Variants in ANKS1B observed in about 807,000 individuals in gnomAD.
ANKS1B encodes ankyrin repeat and sterile alpha motif domain-containing protein 1B.
Under a neutral mutation model 148.3 loss-of-function variants are expected in ANKS1B, and 36 were observed. That is an observed-to-expected ratio of 0.24 (90% CI 0.19 to 0.32). The LOEUF is 0.32. Ranked by LOEUF, ANKS1B falls within the 10% of genes least tolerant of loss-of-function variation. ANKS1B has a pLI of 1.00. For missense variants in ANKS1B, 1,157 were observed against 1,542.6 expected (o/e 0.75, Z 4.19); for synonymous variants, 542 against 560.8 (o/e 0.97, Z 0.47).
At chr12:99,014,484 T>A (rs2099941263) in intron 17 of ANKS1B, among the ~76,000 whole-genome samples, 1 of 152,142 alleles carries the variant, frequency 6.6e-6, no homozygotes, top group Admixed American at 6.5e-5. Context: ...ATGATGAAGA[T>A]GTCAAAAGCA....
At chr12:99,902,934 T>TGTTGTTGTC (rs1211167532) in intron 1 of ANKS1B, among the ~76,000 whole-genome samples, 4 of 151,432 alleles carry the variant, frequency 2.6e-5, no homozygotes, top group African/African-American at 9.7e-5. Context: ...TTGTTGTTGT[T>TGTTGTTGTC]GCTGTTGTTG....
At chr12:99,905,394 G>C (rs182838519) in intron 1 of ANKS1B, among the ~76,000 whole-genome samples, 1 of 152,292 alleles carries the variant, frequency 6.6e-6, no homozygotes, top group Non-Finnish European at 1.5e-5. Context: ...TAGAGAAAAG[G>C]AATTCTAGGT....
At chr12:99,616,482 C>T (rs1190052200) in intron 9 of ANKS1B, among the ~76,000 whole-genome samples, 11 of 151,926 alleles carry the variant, frequency 7.2e-5, no homozygotes, top group South Asian at 4.1e-4. Context: ...TCAGAAATAA[C>T]GCCACACATC....
At chr12:99,101,342 C>A (rs1049689948) in intron 15 of ANKS1B, among the ~76,000 whole-genome samples, 4 of 152,114 alleles carry the variant, frequency 2.6e-5, no homozygotes, top group African/African-American at 9.7e-5. Flanking sequence ...ATACAAGAGA[C>A]AATGAAGATC....
intron 10 of ANKS1B, among the ~76,000 whole-genome samples, chr12:99,488,679 C>T (rs2096526171): frequency 6.6e-6 from 1 of 152,150 alleles, no homozygotes; most frequent in Non-Finnish European, 1.5e-5. Flanking sequence ...AATGCAATCT[C>T]CCCACTGCTC....
intron 9 of ANKS1B, 47 bp from the exon 10 acceptor site, chr12:99,504,688 CTTGT>C: frequency 1.5e-6 from 2 of 1,374,370 alleles, no homozygotes; most frequent in Non-Finnish European, 1.9e-6. Context: ...AAGAAACAGC[CTTGT>C]TTAATTTATA....
At chr12:99,093,659 G>A (rs1051246543) in intron 15 of ANKS1B, 3 of 152,254 alleles carry the variant, frequency 2.0e-5, no homozygotes, top group African/African-American at 7.2e-5. Flanking sequence ...CCAGGCTAAG[G>A]AGCCTGTGAT....
At chr12:99,899,423 A>AT (rs1411062274) in intron 1 of ANKS1B, among the ~76,000 whole-genome samples, 1 of 152,186 alleles carries the variant, frequency 6.6e-6, no homozygotes, top group Non-Finnish European at 1.5e-5. Context: ...TGAAATAGAA[A>AT]TCTAATACGT....
chr12:99,567,096 T>C (rs1360123909), intron 9 of ANKS1B, among the ~76,000 whole-genome samples: 1 of 152,204 alleles, frequency 6.6e-6, no homozygotes, highest in African/African-American at 2.4e-5. Flanking sequence ...GGCTGGACTA[T>C]GGTTCTATGA....
intron 17 of ANKS1B, among the ~76,000 whole-genome samples, chr12:98,890,452 T>C (rs981998613): frequency 6.6e-6 from 1 of 152,200 alleles, no homozygotes; most frequent in African/African-American, 2.4e-5. Context: ...ATACTGCATA[T>C]GGTCTGCAAG....
chr12:99,195,689 A>G (rs966244914), intron 14 of ANKS1B, among the ~76,000 whole-genome samples: 1 of 152,124 alleles, frequency 6.6e-6, no homozygotes, highest in African/African-American at 2.4e-5. Flanking sequence ...GAAACAGAAA[A>G]AAGAATTCTT....
At chr12:99,084,574 C>T (rs2050958896) in intron 16 of ANKS1B, among the ~76,000 whole-genome samples, 2 of 152,074 alleles carry the variant, frequency 1.3e-5, no homozygotes, top group Non-Finnish European at 2.9e-5. Context: ...AAAAATTAGC[C>T]AGGCATGGTG....
chr12:99,807,971 A>G (rs1259156159), intron 3 of ANKS1B, among the ~76,000 whole-genome samples: 2 of 152,182 alleles, frequency 1.3e-5, no homozygotes, highest in African/African-American at 4.8e-5. Context: ...CAAGTAAACT[A>G]AAATACAAAA....
chr12:99,811,908 C>A (rs1056337385), intron 3 of ANKS1B, among the ~76,000 whole-genome samples: 2 of 151,696 alleles, frequency 1.3e-5, no homozygotes, highest in African/African-American at 4.8e-5. Context: ...ATAAGACAGG[C>A]AAAAATATTT....
rs752252888 is a variant in ANKS1B, at chr12:98,745,774, C to T, written c.3823G>A (p.Gly1275Ser). ...IVEPGQEAKR[G>S]INTKYETTIF is the part of the protein sequence containing the mutation. The stretch of plus-strand genomic sequence containing the variant: ...GTGGTTTCATACTTGGTATTAATGC[C>T]CCTCTTGGCTTCTTGGCCCGGCTCC... The change falls in exon 27 of 27, where the codon GGC becomes AGC. Residue 1275 changes from glycine (G) to serine (S), a missense_variant. Transcript: ENST00000683438. 156 of 1,613,798 alleles carry T rather than the reference C, an allele frequency of 9.7e-5. No individual in the cohort carries two copies. Among genetic ancestry groups the T allele is most frequent in the Middle Eastern group, 3.3e-4 (2 of 6,062 alleles).
intron 4 of ANKS1B, among the ~76,000 whole-genome samples, chr12:99,789,191 A>G (rs1198611345): frequency 1.3e-5 from 2 of 152,288 alleles, no homozygotes; most frequent in East Asian, 3.9e-4. Flanking sequence ...TCTTTGAGAG[A>G]AAGGAGAAAG....
chr12:98,918,327 T>C (rs1025017368), intron 17 of ANKS1B, among the ~76,000 whole-genome samples: 8 of 152,058 alleles, frequency 5.3e-5, no homozygotes, highest in African/African-American at 1.9e-4. Context: ...TGAAGTACAG[T>C]AGAATGGGGC....
chr12:99,700,811 A>C (rs1366069563), intron 8 of ANKS1B, among the ~76,000 whole-genome samples: 1 of 152,094 alleles, frequency 6.6e-6, no homozygotes, highest in Non-Finnish European at 1.5e-5. Flanking sequence ...TATGCTAGAG[A>C]ATTTATGTTC....
chr12:99,111,357 T>C (rs193105880), intron 15 of ANKS1B, among the ~76,000 whole-genome samples: 59 of 152,284 alleles, frequency 3.9e-4, no homozygotes, highest in Admixed American at 1.5e-3. Context: ...TTAAAAGGTA[T>C]TTTTAAGAGT....
Sources: gnomAD v4.1 joint callset for allele counts (sites outside exome capture counted in the v4.1 genomes callset) on GRCh38, gnomAD v4.1.1 for gene constraint, MANE v1.5 for transcripts, NCBI Gene and HGNC (gene_info 2026-07-23, HGNC 2026-07-21) for gene names.